The following LRRFIP1 variants were observed in gnomAD, a reference collection of about 807,000 sequenced individuals.
LRRFIP1 encodes the protein leucine-rich repeat flightless-interacting protein 1.
Under a neutral mutation model 104.4 loss-of-function variants are expected in LRRFIP1, and 62 were observed. The observed-to-expected ratio is 0.59, with a 90% CI of 0.48 to 0.73. LRRFIP1 has a LOEUF of 0.73. Ranked by LOEUF, LRRFIP1 falls within the 30% of genes least tolerant of loss-of-function variation. The pLI is 0.00. For missense variants in LRRFIP1, 796 were observed against 824.5 expected (o/e 0.97, Z 0.42); for synonymous variants, 300 against 299.0 (o/e 1.00, Z -0.03).
chr2:237,698,515 A>C (rs2093332058), intron 1 of LRRFIP1, among the ~76,000 whole-genome samples: 1 of 152,224 alleles, frequency 6.6e-6, no homozygotes, highest in Non-Finnish European at 1.5e-5. Context: ...AGGTCCCCCG[A>C]GTGCAGAGGA....
intron 8 of LRRFIP1, 113 bp downstream of exon 8, chr2:237,728,048 T>A: frequency 1.3e-6 from 1 of 748,770 alleles, no homozygotes; most frequent in Non-Finnish European, 2.2e-6. Context: ...TTTTAAATTT[T>A]AAAATCGGTC....
intron 1 of LRRFIP1, among the ~76,000 whole-genome samples, chr2:237,640,044 G>C (rs2083686694): frequency 6.6e-6 from 1 of 152,178 alleles, no homozygotes; most frequent in Non-Finnish European, 1.5e-5. Flanking sequence ...CCCTCAGCTA[G>C]AGAACTCTGA....
intron 1 of LRRFIP1, among the ~76,000 whole-genome samples, chr2:237,663,158 C>T (rs1269639319): frequency 6.6e-6 from 1 of 152,206 alleles, no homozygotes; most frequent in Non-Finnish European, 1.5e-5. Flanking sequence ...ATGGGCTAAG[C>T]TCCACTTTAG....
intron 10 of LRRFIP1, among the ~76,000 whole-genome samples, chr2:237,737,728 C>A (rs543565062): frequency 6.6e-6 from 1 of 152,158 alleles, no homozygotes; most frequent in African/African-American, 2.4e-5. Context: ...TTATTTTCAA[C>A]AAGAATGCCA....
At chr2:237,633,249 G>T (rs911014899) in intron 1 of LRRFIP1, among the ~76,000 whole-genome samples, 3 of 152,242 alleles carry the variant, frequency 2.0e-5, no homozygotes, top group African/African-American at 7.2e-5. Context: ...GACAAGACTG[G>T]TGTTCCAGAC....
At chr2:237,659,917 G>T (rs906499688) in intron 1 of LRRFIP1, among the ~76,000 whole-genome samples, 2 of 152,150 alleles carry the variant, frequency 1.3e-5, no homozygotes, top group African/African-American at 4.8e-5. Context: ...GGTATTACAG[G>T]CGTGAGCCAC....
chr2:237,707,539 A>G (rs1229896652), intron 1 of LRRFIP1, among the ~76,000 whole-genome samples: 1 of 152,194 alleles, frequency 6.6e-6, no homozygotes, highest in Non-Finnish European at 1.5e-5. Flanking sequence ...CATTGTTGGA[A>G]GGATTACAGA....
intron 7 of LRRFIP1, among the ~76,000 whole-genome samples, chr2:237,724,234 C>T (rs1294669728): frequency 6.6e-6 from 1 of 152,164 alleles, no homozygotes; most frequent in Non-Finnish European, 1.5e-5. Flanking sequence ...TCAGAAAGCA[C>T]AGCTCAGCAT....
intron 15 of LRRFIP1, among the ~76,000 whole-genome samples, chr2:237,755,387 A>T (rs1242259442): frequency 6.6e-6 from 1 of 152,112 alleles, no homozygotes; most frequent in East Asian, 1.9e-4. Flanking sequence ...TTTTTATCCC[A>T]AAGAGTTTTC....
intron 1 of LRRFIP1, among the ~76,000 whole-genome samples, chr2:237,651,020 T>C (rs2085854848): frequency 6.6e-6 from 1 of 152,208 alleles, no homozygotes; most frequent in Non-Finnish European, 1.5e-5. Context: ...GTTCAGAGGC[T>C]TATTCACAGC....
chr2:237,735,422 G>T lies in LRRFIP1; in HGVS notation c.555+89G>T. Reference sequence around the variant, plus strand: ...TGGGCAGGGTCCAGCCGTGGGGGGTGACTGGCCATTCTCAGGAGGAAGCGC... The same window carrying T: ...TGGGCAGGGTCCAGCCGTGGGGGGTTACTGGCCATTCTCAGGAGGAAGCGC... On this transcript the variant is annotated intron_variant, in intron 10 of 23. Transcript: ENST00000308482. This position sits in a 1 kb window ranked among gnomAD's most constrained non-coding sequence, Gnocchi z 4.6. 1 of 1,253,542 alleles carries T rather than the reference G, an allele frequency of 8.0e-7. No individual in the cohort carries two copies. The highest frequency in any genetic ancestry group is 1.1e-6 in the Non-Finnish European group (1 of 912,534). The allele number at this position is 1,253,542 out of a possible 1,614,324, so 77.7% of individuals were successfully genotyped here.
At chr2:237,762,181 G>A (rs2059942925) in intron 19 of LRRFIP1, among the ~76,000 whole-genome samples, 1 of 152,240 alleles carries the variant, frequency 6.6e-6, no homozygotes, top group Non-Finnish European at 1.5e-5. Context: ...GTGACATGGA[G>A]TGCAGTTTGA....
chr2:237,751,179 CTT>C lies in LRRFIP1; in HGVS notation c.796-16_796-15del. On this transcript the variant is annotated intron_variant, in intron 13 of 23. Coordinates refer to ENST00000308482, the MANE Select transcript of LRRFIP1 (RefSeq NM_001137550.2). Reference sequence around the variant, plus strand: ...CCTGTTTTCCCTTGACATCATCTGCCTTTTTTGCCATTTCCCCCAGGAACTCA... The same window carrying C: ...CCTGTTTTCCCTTGACATCATCTGCCTTTTGCCATTTCCCCCAGGAACTCA... 1 of 1,586,256 alleles carries C rather than the reference CTT, an allele frequency of 6.3e-7. No individual in the cohort carries two copies. The highest frequency in any genetic ancestry group is 8.6e-7 in the Non-Finnish European group (1 of 1,161,882).
chr2:237,774,769 A>G (rs941608765), intron 23 of LRRFIP1, among the ~76,000 whole-genome samples: 2 of 152,182 alleles, frequency 1.3e-5, no homozygotes, highest in African/African-American at 4.8e-5. Context: ...TGCTCCGAAT[A>G]TTTTTTGTGT....
chr2:237,755,209 G>C (rs1468746225), intron 15 of LRRFIP1, among the ~76,000 whole-genome samples: 1 of 152,222 alleles, frequency 6.6e-6, no homozygotes, highest in Non-Finnish European at 1.5e-5. Flanking sequence ...AGCTTCCTGG[G>C]CTGAGCCTCA....
At chr2:237,730,832 C>T (rs980086715) in intron 8 of LRRFIP1, among the ~76,000 whole-genome samples, 2 of 152,166 alleles carry the variant, frequency 1.3e-5, no homozygotes, top group African/African-American at 4.8e-5. Flanking sequence ...GCAGGAGAAT[C>T]GCTTGAACCC....
chr2:237,701,446 G>A (rs970027953), intron 1 of LRRFIP1, among the ~76,000 whole-genome samples: 4 of 152,240 alleles, frequency 2.6e-5, no homozygotes, highest in African/African-American at 4.8e-5. Flanking sequence ...CCAGGAGGGC[G>A]TGCGGGAGGG....
chr2:237,726,856 C>A (rs1368399235), intron 7 of LRRFIP1, among the ~76,000 whole-genome samples: 1 of 152,062 alleles, frequency 6.6e-6, no homozygotes, highest in African/African-American at 2.4e-5. Context: ...CTTAAGGGAA[C>A]CTGGGCTGGG....
At chr2:237,694,054 G>GTGTTT (rs1412546561) in intron 1 of LRRFIP1, among the ~76,000 whole-genome samples, 1 of 152,184 alleles carries the variant, frequency 6.6e-6, no homozygotes, top group Non-Finnish European at 1.5e-5. Context: ...CGGAAGGTTT[G>GTGTTT]TGTTTTGTTT....
Sources: allele counts gnomAD v4.1 joint callset (sites outside exome capture counted in the v4.1 genomes callset), GRCh38; gene constraint gnomAD v4.1.1; non-coding constraint Gnocchi (gnomAD v3.1); transcripts MANE v1.5; gene names NCBI Gene and HGNC (gene_info 2026-07-23, HGNC 2026-07-21).